SEMA3A: variants seen among roughly 807,000 people sequenced by gnomAD.
SEMA3A encodes semaphorin 3A.
SEMA3A carries 29 observed loss-of-function variants against 97.9 expected under a neutral mutation model. The ratio of observed to expected loss-of-function variants is 0.30; its 90% CI spans 0.22 to 0.40. The LOEUF is 0.40. Among genes scored for constraint, SEMA3A ranks in the 10% least tolerant of loss-of-function variants. The pLI is 1.00. For missense variants in SEMA3A, 763 were observed against 951.3 expected, an observed-to-expected ratio of 0.80 and a Z score of 2.60; for synonymous variants, 321 against 323.7, an observed-to-expected ratio of 0.99 and a Z score of 0.09.
intron 2 of SEMA3A, among the ~76,000 whole-genome samples, chr7:84,353,898 C>T (rs1392304374): frequency 2.0e-5 from 3 of 151,542 alleles, no homozygotes; most frequent in Non-Finnish European, 4.4e-5. Flanking sequence ...CTGTATGTTA[C>T]ATTACAAATA....
chr7:84,216,739 C>A (rs1005059549), intron 3 of SEMA3A, among the ~76,000 whole-genome samples: 1 of 151,962 alleles, frequency 6.6e-6, no homozygotes, highest in Non-Finnish European at 1.5e-5. Flanking sequence ...AATACATGGA[C>A]GTCCAGTTGA....
At chr7:84,465,193 A>T (rs775309815) in intron 1 of SEMA3A, among the ~76,000 whole-genome samples, 3 of 152,214 alleles carry the variant, frequency 2.0e-5, no homozygotes, top group Non-Finnish European at 4.4e-5. Flanking sequence ...GGAAGATTAT[A>T]TACAACCAGT....
At chr7:84,101,931 T>C (rs997486642) in intron 4 of SEMA3A, among the ~76,000 whole-genome samples, 1 of 151,912 alleles carries the variant, frequency 6.6e-6, no homozygotes, top group Non-Finnish European at 1.5e-5. Context: ...TAATTTTATA[T>C]TGATTACATA....
Position 84,121,829 on chromosome 7 carries a change from C to T in SEMA3A, c.333+7294G>A, listed in dbSNP as rs1358403741. 4.4e-5 allele frequency among the ~76,000 whole-genome samples: 2 copies of T among 45,584 alleles called. 1 individual carries two copies. Among genetic ancestry groups the T allele is most frequent in the Non-Finnish European group, 8.5e-5 (2 of 23,404 alleles). 29.9% of individuals were successfully genotyped at this position (45,584 alleles called of 152,430 possible). Reference sequence around the variant, plus strand: ...AATTTTTTTGTATTTTTAGTAGAGACGGGGTTTCACCGTTTTAGCCGGGAT... The same window carrying T: ...AATTTTTTTGTATTTTTAGTAGAGATGGGGTTTCACCGTTTTAGCCGGGAT... On this transcript the variant is annotated intron_variant, in intron 3 of 16. Transcript: ENST00000265362.
chr7:84,226,773 A>G (rs1798998274), intron 3 of SEMA3A, among the ~76,000 whole-genome samples: 1 of 152,156 alleles, frequency 6.6e-6, no homozygotes, highest in South Asian at 2.1e-4. Context: ...TTCAAAAAGC[A>G]AGATAATTTT....
chr7:84,042,739 C>A (rs2115563836), intron 6 of SEMA3A, among the ~76,000 whole-genome samples: 1 of 151,956 alleles, frequency 6.6e-6, no homozygotes, highest in Middle Eastern at 3.4e-3. Flanking sequence ...GTCTTTCTTC[C>A]AAATCATGTA....
At chr7:83,990,954 T>C (rs1014630758) in intron 12 of SEMA3A, among the ~76,000 whole-genome samples, 5 of 152,190 alleles carry the variant, frequency 3.3e-5, no homozygotes, top group Non-Finnish European at 7.3e-5. Flanking sequence ...CCCATGAGCA[T>C]GGAATGTTCT....
At chr7:84,344,971 C>G (rs1802260871) in intron 2 of SEMA3A, among the ~76,000 whole-genome samples, 1 of 152,050 alleles carries the variant, frequency 6.6e-6, no homozygotes, top group South Asian at 2.1e-4. Context: ...TAAAGAACAT[C>G]TACAACACAT....
chr7:84,363,014 G>T (rs945060749), intron 2 of SEMA3A, among the ~76,000 whole-genome samples: 1 of 151,892 alleles, frequency 6.6e-6, no homozygotes, highest in Non-Finnish European at 1.5e-5. Flanking sequence ...GTATATTACT[G>T]TACAACTAGC....
At chr7:84,051,646 T>C (rs1792660430) in intron 5 of SEMA3A, among the ~76,000 whole-genome samples, 1 of 152,212 alleles carries the variant, frequency 6.6e-6, no homozygotes, top group South Asian at 2.1e-4. Flanking sequence ...TACGATCATG[T>C]CGTCTGCAAA....
At chr7:84,189,998 C>A (rs1163169730) in intron 1 of SEMA3A, among the ~76,000 whole-genome samples, 15 of 151,494 alleles carry the variant, frequency 9.9e-5, no homozygotes, top group Non-Finnish European at 3.0e-5. Context: ...GAGAAAAAAA[C>A]CCTAAAAAGT....
chr7:84,222,179 T>G (rs532682510), intron 3 of SEMA3A, among the ~76,000 whole-genome samples: 6 of 151,962 alleles, frequency 3.9e-5, no homozygotes, highest in Non-Finnish European at 7.4e-5. Context: ...TGCTATTAAA[T>G]GAAAAAATGA....
chr7:84,348,406 A>G (rs1425132791), intron 2 of SEMA3A, among the ~76,000 whole-genome samples: 1 of 152,128 alleles, frequency 6.6e-6, no homozygotes, highest in East Asian at 1.9e-4. Context: ...TTTTTGGTTT[A>G]AGAGATTATT....
intron 1 of SEMA3A, among the ~76,000 whole-genome samples, chr7:84,146,813 T>C (rs1796474960): frequency 6.6e-6 from 1 of 152,214 alleles, no homozygotes; most frequent in Non-Finnish European, 1.5e-5. Flanking sequence ...AACTTTGTTT[T>C]TGATTCTGCC....
In SEMA3A at chr7:84,209,879, A is replaced by G. The variant is rs538585562; in HGVS notation, c.-82-15211T>C. Among the ~76,000 whole-genome samples the G allele has an allele frequency of 4.6e-5, 7 of 152,310 alleles. No homozygotes were observed. In the East Asian group the frequency reaches 1.4e-3, roughly 29 times the overall value. ...AAGTCATTTACATGCTTCTGACATT[A>G]AAAATAATTGGTATGCTGCAGAAGA... On this transcript the variant is annotated intron_variant, in intron 3 of 3. Coordinates refer to the SEMA3A transcript ENST00000424555.
intron 6 of SEMA3A, among the ~76,000 whole-genome samples, chr7:84,022,702 G>A (rs568097198): frequency 6.6e-6 from 1 of 152,304 alleles, no homozygotes. Flanking sequence ...ATCCATTTTA[G>A]CAAGATCAAA....
chr7:84,465,148 A>C (rs1409040381), intron 1 of SEMA3A, among the ~76,000 whole-genome samples: 2 of 152,136 alleles, frequency 1.3e-5, no homozygotes, highest in Non-Finnish European at 2.9e-5. Context: ...AAATAACCTA[A>C]ATTTTTCTAG....
chr7:84,398,116 C>T (rs1012030445), intron 1 of SEMA3A, among the ~76,000 whole-genome samples: 1 of 152,134 alleles, frequency 6.6e-6, no homozygotes. Flanking sequence ...GATTGACATG[C>T]CTTTTTCAAT....
chr7:84,473,945 C>T (rs1052280718), intron 1 of SEMA3A, among the ~76,000 whole-genome samples: 1 of 152,108 alleles, frequency 6.6e-6, no homozygotes, highest in Non-Finnish European at 1.5e-5. Context: ...ATCCCTGAGC[C>T]GCACATAAGT....
Sources: gnomAD v4.1 joint callset for allele counts (sites outside exome capture counted in the v4.1 genomes callset) on GRCh38, gnomAD v4.1.1 for gene constraint, MANE v1.5 for transcripts, NCBI Gene and HGNC (gene_info 2026-07-23, HGNC 2026-07-21) for gene names.